DLG2: variants seen among roughly 807,000 people sequenced by gnomAD.
DLG2 encodes the protein disks large homolog 2.
DLG2 carries 45 observed loss-of-function variants against 132.5 expected under a neutral mutation model. The ratio of observed to expected loss-of-function variants is 0.34; its 90% CI spans 0.27 to 0.44. DLG2 has a LOEUF of 0.44. Ranked by LOEUF, DLG2 falls within the 20% of genes least tolerant of loss-of-function variation. The pLI is 1.00. For missense variants in DLG2, 1,045 were observed against 1,196.9 expected (o/e 0.87, Z 1.87); for synonymous variants, 424 against 419.6 (o/e 1.01, Z -0.13).
In DLG2 at chr11:83,700,700, G is replaced by C. The variant is rs146827476; in HGVS notation, c.1826-67375C>G. Among the ~76,000 whole-genome samples the C allele has an allele frequency of 9.1e-3, 1,382 of 151,508 alleles. 11 individuals carry two copies. The highest frequency in any genetic ancestry group is 0.012 in the Non-Finnish European group (808 of 67,936). ...AATGTCCTTAAATAATACATCTTGC[G>C]GGATTAATTGAAAATGCCACAATGG... On this transcript the variant is annotated intron_variant, in intron 18 of 27. Transcript: ENST00000376104.
chr11:84,362,668 C>T (rs1368228647), intron 7 of DLG2, among the ~76,000 whole-genome samples: 1 of 152,018 alleles, frequency 6.6e-6, no homozygotes, highest in East Asian at 1.9e-4. Flanking sequence ...ACTCCCCCCA[C>T]CTCACAACAG....
chr11:83,687,495 A>G (rs2080019513), intron 18 of DLG2, among the ~76,000 whole-genome samples: 1 of 152,168 alleles, frequency 6.6e-6, no homozygotes, highest in Non-Finnish European at 1.5e-5. Flanking sequence ...GTGATTTTTC[A>G]TTGAGCTAAA....
intron 6 of DLG2, among the ~76,000 whole-genome samples, chr11:84,940,288 C>T (rs1438888221): frequency 6.6e-6 from 1 of 152,136 alleles, no homozygotes; most frequent in Non-Finnish European, 1.5e-5. Flanking sequence ...GTAGCTGGGA[C>T]TACAGGCATG....
intron 7 of DLG2, among the ~76,000 whole-genome samples, chr11:84,506,305 G>A (rs1285995954): frequency 6.6e-6 from 1 of 151,884 alleles, no homozygotes; most frequent in Non-Finnish European, 1.5e-5. Context: ...TCGATCTCCT[G>A]ACCTCGTGAT....
intron 6 of DLG2, among the ~76,000 whole-genome samples, chr11:84,823,116 G>A (rs1012404484): frequency 6.6e-5 from 10 of 151,706 alleles, no homozygotes; most frequent in African/African-American, 9.7e-5. Context: ...CTAATTAAAG[G>A]TGTTCAATAA....
chr11:85,446,205 T>C (rs781274174), intron 3 of DLG2, among the ~76,000 whole-genome samples: 4 of 152,240 alleles, frequency 2.6e-5, no homozygotes, highest in African/African-American at 4.8e-5. Flanking sequence ...TAAAGGTCTT[T>C]TAACTTCATT....
chr11:84,141,811 GT>G (rs944173685), intron 9 of DLG2, among the ~76,000 whole-genome samples: 6 of 151,764 alleles, frequency 4.0e-5, no homozygotes, highest in African/African-American at 1.2e-4. Context: ...ATATCTACAG[GT>G]TTTTTTTAAT....
At chr11:83,901,123 T>G (rs947069529) in intron 15 of DLG2, among the ~76,000 whole-genome samples, 2 of 152,226 alleles carry the variant, frequency 1.3e-5, no homozygotes, top group Non-Finnish European at 2.9e-5. Flanking sequence ...GGAATGGCTG[T>G]ATTTACCCAA....
chr11:84,102,966 A>T (rs2092650511), intron 9 of DLG2, among the ~76,000 whole-genome samples: 1 of 152,104 alleles, frequency 6.6e-6, no homozygotes, highest in Non-Finnish European at 1.5e-5. Context: ...TGAGGAAAAG[A>T]ATGAATATAT....
chr11:84,430,995 C>G (rs2098983062), intron 7 of DLG2, among the ~76,000 whole-genome samples: 1 of 152,172 alleles, frequency 6.6e-6, no homozygotes. Flanking sequence ...TCAGACCACT[C>G]TTCAATCTAC....
intron 6 of DLG2, among the ~76,000 whole-genome samples, chr11:84,808,448 A>T (rs2076231214): frequency 1.3e-5 from 2 of 151,984 alleles, no homozygotes; most frequent in South Asian, 4.1e-4. Context: ...ACGCGAACAG[A>T]AGGAAAGAAA....
At chr11:83,582,907 GGA>G (rs774076686) in intron 19 of DLG2, among the ~76,000 whole-genome samples, 2 of 152,122 alleles carry the variant, frequency 1.3e-5, no homozygotes, top group Non-Finnish European at 2.9e-5. Context: ...CAACCCAGCA[GGA>G]GAGATAGGTA....
chr11:84,827,328 C>T (rs2078450684), intron 6 of DLG2, among the ~76,000 whole-genome samples: 1 of 151,060 alleles, frequency 6.6e-6, no homozygotes, highest in Admixed American at 6.6e-5. Context: ...TTTACAATGA[C>T]TAGAAGACAG....
At chr11:84,803,069 G>A (rs928363762) in intron 6 of DLG2, among the ~76,000 whole-genome samples, 26 of 152,134 alleles carry the variant, frequency 1.7e-4, no homozygotes, top group African/African-American at 6.3e-4. Context: ...AAAGTTCTGT[G>A]TTTACTGGCA....
intron 18 of DLG2, among the ~76,000 whole-genome samples, chr11:83,775,906 T>C (rs143078090): frequency 0.041 from 6,172 of 152,004 alleles, 144 homozygotes; most frequent in Middle Eastern, 0.092. Flanking sequence ...TCCTGGCTAA[T>C]ACGGTGAAAC....
At chr11:84,727,885 T>C (rs1453318880) in intron 6 of DLG2, among the ~76,000 whole-genome samples, 3 of 152,192 alleles carry the variant, frequency 2.0e-5, no homozygotes, top group African/African-American at 7.2e-5. Context: ...AACTCATGAT[T>C]TGGCTCTCTG....
At chr11:84,764,890 A>G (rs1250575405) in intron 6 of DLG2, among the ~76,000 whole-genome samples, 1 of 152,104 alleles carries the variant, frequency 6.6e-6, no homozygotes, top group Admixed American at 6.6e-5. Flanking sequence ...AGGCAGGTTC[A>G]GTTCATGGAG....
chr11:83,585,330 T>A (rs1033496426), intron 19 of DLG2, among the ~76,000 whole-genome samples: 1 of 152,170 alleles, frequency 6.6e-6, no homozygotes, highest in African/African-American at 2.4e-5. Context: ...GGCCAGGGAA[T>A]GTACCATACA....
chr11:84,092,823 G>A (rs530963689), intron 10 of DLG2, among the ~76,000 whole-genome samples: 1 of 152,102 alleles, frequency 6.6e-6, no homozygotes, highest in South Asian at 2.1e-4. Flanking sequence ...GGATCACAAG[G>A]TCAGGAGTTC....
Sources: allele counts gnomAD v4.1 joint callset (sites outside exome capture counted in the v4.1 genomes callset), GRCh38; gene constraint gnomAD v4.1.1; transcripts MANE v1.5; gene names NCBI Gene and HGNC (gene_info 2026-07-23, HGNC 2026-07-21).